Variants in TCF25 observed in about 807,000 individuals in gnomAD.
The protein encoded by TCF25 is TCF25 ribosome quality control complex subunit, also known as ribosome quality control complex subunit TCF25.
In TCF25, 41 loss-of-function variants were observed where a neutral mutation model predicts 83.1. The observed-to-expected ratio is 0.49, with a 90% confidence interval of 0.38 to 0.64. TCF25 has a LOEUF of 0.64. Among genes scored for constraint, TCF25 ranks in the 30% least tolerant of loss-of-function variants. TCF25 has a pLI of 0.00. For synonymous variants in TCF25, 458 were observed against 365.0 expected (o/e 1.25, Z -2.90); for missense variants, 979 against 914.5 (o/e 1.07, Z -0.91).
chr16:89,892,495 T>C (rs188784061), intron 6 of TCF25, among the ~76,000 whole-genome samples: 4 of 152,218 alleles, frequency 2.6e-5, no homozygotes, highest in African/African-American at 9.6e-5. Flanking sequence ...GTGTGCAGTG[T>C]GTGACTGTTT....
rs575667517 is a variant in TCF25, at chr16:89,883,678, G to A, written c.354+166G>A. On this transcript the variant is annotated intron_variant, in intron 2 of 17. Transcript: ENST00000263346. ...TTACTTGGGAACCTTGATGAGATTT[G>A]CATGAAATGAGTGAAGGTCGCAGGC... is the stretch of plus-strand genomic sequence containing the variant. 4 of 773,190 alleles carry A rather than the reference G, an allele frequency of 5.2e-6. No individual in the cohort carries two copies. In the African/African-American group the frequency reaches 7.0e-5, roughly 14 times the overall value. 47.9% of individuals were successfully genotyped at this position (773,190 alleles called of 1,614,324 possible). A position where few individuals can be genotyped will look rare whatever the true frequency, so the allele number is the denominator to read the frequency against.
chr16:89,881,454 A>T (rs58889676), intron 1 of TCF25, among the ~76,000 whole-genome samples: 24,565 of 151,374 alleles, frequency 0.16, 5,614 homozygotes, highest in African/African-American at 0.51. Flanking sequence ...CTTTTTTTTT[A>T]AAAAATTTAG....
chr16:89,897,197 G>A (rs1373338184), intron 9 of TCF25, among the ~76,000 whole-genome samples: 1 of 152,236 alleles, frequency 6.6e-6, no homozygotes, highest in Non-Finnish European at 1.5e-5. Context: ...GAGGAGCTCA[G>A]AGTCAGCCTG....
At chr16:89,883,821 T>TCCTTCCTA (rs1567700350) in intron 2 of TCF25, 1 of 282,958 alleles carries the variant, frequency 3.5e-6, no homozygotes, top group African/African-American at 3.1e-5. Context: ...CGCACGTGTG[T>TCCTTCCTA]GCCTCCTAGC....
At chr16:89,889,059 C>T (rs1157345626) in intron 5 of TCF25, among the ~76,000 whole-genome samples, 1 of 151,706 alleles carries the variant, frequency 6.6e-6, no homozygotes, top group Non-Finnish European at 1.5e-5. Flanking sequence ...TGGCTGGCTG[C>T]GATGGGGAGC....
rs181807736 is a variant in TCF25 at position 89,910,469 on chromosome 16, C to T, written c.1800-122C>T. The T allele has an allele frequency of 1.5e-4, 140 of 939,648 alleles. No homozygotes were observed. The East Asian group carries it at 2.3e-3, about 15-fold the overall frequency. 58.2% of individuals were successfully genotyped at this position (939,648 alleles called of 1,614,324 possible). A position where few individuals can be genotyped will look rare whatever the true frequency, so the allele number is the denominator to read the frequency against. ...CCTGTGCTCAGCTGCTGCTGCTCTG[C>T]CCCCTGGCGGCCCCTCCGTGTCCCT... On this transcript the variant is annotated intron_variant, in intron 16 of 17. Coordinates refer to ENST00000263346, the MANE Select transcript of TCF25 (RefSeq NM_014972.3).
chr16:89,884,035 C>G (rs931621829), intron 2 of TCF25: 4 of 167,132 alleles, frequency 2.4e-5, no homozygotes, highest in South Asian at 2.9e-4. Flanking sequence ...ATTTATCCAA[C>G]AAGTGTTCTT....
Position 89,895,136 on chromosome 16 carries a change from A to G in TCF25, c.927A>G (p.Val309=). 6.2e-7 allele frequency: 1 copy of G among 1,611,950 alleles called. No homozygotes were observed. Among genetic ancestry groups the G allele is most frequent in the Non-Finnish European group, 8.5e-7 (1 of 1,179,170 alleles). The change falls in exon 8 of 18, where the codon GTA becomes GTG. Residue 309 remains valine, a splice_region_variant and synonymous_variant. Transcript: ENST00000263346. The part of the protein sequence containing the change: ...QEDQEMARDL[V]ERALYSMECA... The stretch of plus-strand genomic sequence containing the variant: ...ATCAGGAGATGGCTCGAGACCTCGT[A>G]GGTAAGGCAGAGCCCCCACCCCATT...
chr16:89,883,463 CAGAG>C lies in TCF25; in HGVS notation c.308_311del (p.Glu103AlafsTer44). On this transcript the variant is annotated frameshift_variant, in exon 2 of 18. Transcript: ENST00000263346. LOFTEE classifies it high-confidence loss of function. Reference sequence around the variant, plus strand: ...AAAGGAAGGGGTCAGCGTGGAAACACAGAGAGCAAGACGGATGGAGATGACACCG... The same window carrying C: ...AAAGGAAGGGGTCAGCGTGGAAACACAGCAAGACGGATGGAGATGACACCG... 3 of 1,613,834 alleles carry C rather than the reference CAGAG, an allele frequency of 1.9e-6. No homozygotes were observed. Among genetic ancestry groups the C allele is most frequent in the Non-Finnish European group, 1.7e-6 (2 of 1,179,946 alleles).
intron 12 of TCF25, among the ~76,000 whole-genome samples, chr16:89,903,842 G>A (rs2144244346): frequency 6.6e-6 from 1 of 152,132 alleles, no homozygotes; most frequent in East Asian, 1.9e-4. Flanking sequence ...CATGTGTGTG[G>A]AGGGTGGTGG....
intron 16 of TCF25, 156 bp from the exon 17 acceptor site, chr16:89,910,435 A>G: frequency 1.4e-6 from 1 of 694,384 alleles, no homozygotes; most frequent in Non-Finnish European, 2.5e-6. Context: ...CCACCCGGGG[A>G]ATCCAGGGCC....
At chr16:89,883,856 AACTGT>A (rs2042788298) in intron 2 of TCF25, 3 of 237,310 alleles carry the variant, frequency 1.3e-5, no homozygotes, top group East Asian at 9.0e-5. Context: ...TGTCCTTCCT[AACTGT>A]GCCCCGAACG....
At chr16:89,908,384 C>G (rs551117178) in intron 16 of TCF25, among the ~76,000 whole-genome samples, 82 of 148,996 alleles carry the variant, frequency 5.5e-4, no homozygotes, top group African/African-American at 2.0e-3. Flanking sequence ...GCTCCCACCT[C>G]CCTCCTTCCA....
intron 3 of TCF25, among the ~76,000 whole-genome samples, chr16:89,885,221 A>AG (rs958432665): frequency 1.3e-5 from 2 of 152,214 alleles, no homozygotes; most frequent in Admixed American, 1.3e-4. Context: ...CTAAGAGATC[A>AG]GGGAAAAAGA....
At chr16:89,883,579 T>G in intron 2 of TCF25, 67 bp downstream of exon 2, 3 of 1,482,056 alleles carry the variant, frequency 2.0e-6, no homozygotes, top group Non-Finnish European at 2.7e-6. Context: ...GCCACGTGTA[T>G]CCTGTGCTGT....
intron 1 of TCF25, among the ~76,000 whole-genome samples, chr16:89,877,077 G>A (rs73270375): frequency 0.041 from 6,265 of 151,382 alleles, 467 homozygotes; most frequent in African/African-American, 0.15. Flanking sequence ...GCTCCAGCCC[G>A]GGCAATACAG....
At chr16:89,884,468 G>C (rs936240534) in intron 2 of TCF25, 114 bp from the exon 3 acceptor site, 8 of 1,048,632 alleles carry the variant, frequency 7.6e-6, no homozygotes, top group Non-Finnish European at 1.1e-5. Context: ...TTTGGGACAC[G>C]GAGGGAGAGG....
intron 1 of TCF25, 118 bp from the exon 2 acceptor site, chr16:89,883,233 C>G: frequency 7.2e-7 from 1 of 1,393,100 alleles, no homozygotes. Flanking sequence ...CGTCCAGCGT[C>G]TCGCACTGAC....
At chr16:89,882,599 T>C (rs1483864567) in intron 1 of TCF25, among the ~76,000 whole-genome samples, 1 of 152,226 alleles carries the variant, frequency 6.6e-6, no homozygotes, top group Non-Finnish European at 1.5e-5. Flanking sequence ...TTTGTTTTTC[T>C]ATTTTGAGAT....
Sources: gnomAD v4.1 joint callset for allele counts (sites outside exome capture counted in the v4.1 genomes callset) on GRCh38, gnomAD v4.1.1 for gene constraint, MANE v1.5 for transcripts, NCBI Gene and HGNC (gene_info 2026-07-23, HGNC 2026-07-21) for gene names.